TNFAIP8: variants seen among roughly 807,000 people sequenced by gnomAD.
The protein encoded by TNFAIP8 is tumor necrosis factor alpha-induced protein 8.
TNFAIP8 carries 7 observed loss-of-function variants against 13.3 expected under a neutral mutation model. The ratio of observed to expected loss-of-function variants is 0.52; its 90% CI spans 0.30 to 0.99. The LOEUF (loss-of-function observed/expected upper bound fraction) is 0.99, where lower values mean the gene tolerates loss of function less well. Among genes scored for constraint, TNFAIP8 ranks in the 50% least tolerant of loss-of-function variants. The pLI, the probability that TNFAIP8 is intolerant of heterozygous loss-of-function variation, is 0.07. For synonymous variants in TNFAIP8, 94 were observed against 87.6 expected (o/e 1.07, Z -0.41); for missense variants, 258 against 236.9 (o/e 1.09, Z -0.58).
In TNFAIP8 at chr5:119,296,550, G is replaced by C. The variant is rs534199553; in HGVS notation, c.1+27643G>C. ...TGCCAGTATTTTATTGAGGATTTTT[G>C]CATCAATGTTCATCAAGGATATTGG... On this transcript the variant is annotated intron_variant, in intron 1 of 1. Transcript: ENST00000274456. Among the ~76,000 whole-genome samples, 8 of 152,140 alleles carry C rather than the reference G, an allele frequency of 5.3e-5. No homozygotes were observed. In the East Asian group the frequency reaches 9.7e-4, roughly 18 times the overall value.
intron 1 of TNFAIP8, among the ~76,000 whole-genome samples, chr5:119,308,776 C>T (rs1400453074): frequency 1.4e-5 from 2 of 147,324 alleles, no homozygotes; most frequent in Non-Finnish European, 3.0e-5. Flanking sequence ...GCAGGAGAAT[C>T]TTTTGAACCC....
chr5:119,357,354 G>A (rs1206026686), intron 1 of TNFAIP8, among the ~76,000 whole-genome samples: 1 of 152,182 alleles, frequency 6.6e-6, no homozygotes, highest in Non-Finnish European at 1.5e-5. Context: ...ATGGAGCTGT[G>A]TGCTGATAGA....
intron 1 of TNFAIP8, among the ~76,000 whole-genome samples, chr5:119,320,803 G>A (rs1750031071): frequency 6.6e-6 from 1 of 151,524 alleles, no homozygotes; most frequent in Admixed American, 6.6e-5. Context: ...CTCTCCAAGG[G>A]CCTCTACAGA....
At chr5:119,392,558 G>T (rs1258055646) in intron 1 of TNFAIP8, among the ~76,000 whole-genome samples, 1 of 151,794 alleles carries the variant, frequency 6.6e-6, no homozygotes, top group African/African-American at 2.4e-5. Context: ...GCCCATGTAG[G>T]CCGGGCTGGT....
At chr5:119,308,034 T>A (rs1749617394) in intron 1 of TNFAIP8, among the ~76,000 whole-genome samples, 1 of 152,206 alleles carries the variant, frequency 6.6e-6, no homozygotes, top group South Asian at 2.1e-4. Context: ...ATCATGTTAC[T>A]TAGAGAAGTT....
rs142652997 is a variant in TNFAIP8 at position 119,270,837 on chromosome 5, T to C, written c.1+1930T>C. On this transcript the variant is annotated intron_variant, in intron 1 of 1. Coordinates refer to the TNFAIP8 transcript ENST00000274456. ...AGATTATGTGATGATTTAAGAATTA[T>C]TAATAAATCAGTGAATAAAACAAGG... 5.9e-3 allele frequency among the ~76,000 whole-genome samples: 903 copies of C among 152,344 alleles called. 4 individuals carry two copies. The highest frequency in any genetic ancestry group is 0.013 in the Admixed American group (199 of 15,304).
At chr5:119,268,831 G>C (rs961252889) in exon 1 of TNFAIP8, 5 of 702,244 alleles carry the variant, frequency 7.1e-6, no homozygotes, top group Non-Finnish European at 1.3e-5. Context: ...GAGCCACCGA[G>C]AGAGCAGAGA....
rs1027100037 is a variant in TNFAIP8 at position 119,272,876 on chromosome 5, C to CG, written c.1+3975dup. The stretch of plus-strand genomic sequence containing the variant: ...CATGGTGATGTTTCTGTCAAGGTGA[C>CG]GGGGGGCTAGGTGTACAGATCTTTT... On this transcript the variant is annotated intron_variant, in intron 1 of 1. Coordinates refer to the TNFAIP8 transcript ENST00000274456. Among the ~76,000 whole-genome samples the CG allele has an allele frequency of 7.9e-5, 12 of 152,064 alleles. No homozygotes were observed. In the East Asian group the frequency reaches 1.9e-3, roughly 24 times the overall value.
intron 1 of TNFAIP8, among the ~76,000 whole-genome samples, chr5:119,310,838 A>G (rs1749707459): frequency 6.6e-6 from 1 of 152,006 alleles, no homozygotes; most frequent in Non-Finnish European, 1.5e-5. Context: ...CAATCAATCA[A>G]TCAATCAATC....
chr5:119,367,021 G>A (rs990519734), intron 1 of TNFAIP8, among the ~76,000 whole-genome samples: 3 of 152,136 alleles, frequency 2.0e-5, no homozygotes, highest in Non-Finnish European at 4.4e-5. Context: ...AGGGTTAATC[G>A]GGTAAATTAT....
Position 119,398,374 on chromosome 5 carries a change from T to G in TNFAIP8, c.*4993T>G, listed in dbSNP as rs1433167774. 1 of 152,202 alleles carries G rather than the reference T, an allele frequency of 6.6e-6. No individual in the cohort carries two copies. The highest frequency in any genetic ancestry group is 1.9e-4 in the East Asian group (1 of 5,198). The allele number at this position is 152,202 out of a possible 1,614,324, so 9.4% of individuals were successfully genotyped here. On this transcript the variant is annotated 3_prime_UTR_variant, in exon 2 of 2. Coordinates refer to ENST00000504771, the MANE Select transcript of TNFAIP8 (RefSeq NM_014350.4). ...GTTTTTCCATTCAAAAGCTTACAGA[T>G]GAATTCATTCGTTTAAAACTGCCAG... is the stretch of plus-strand genomic sequence containing the variant.
At chr5:119,360,872 G>C (rs1450984934) in intron 1 of TNFAIP8, among the ~76,000 whole-genome samples, 2 of 152,202 alleles carry the variant, frequency 1.3e-5, no homozygotes, top group African/African-American at 2.4e-5. Context: ...AATAAAACAT[G>C]AGACATTGTG....
intron 1 of TNFAIP8, among the ~76,000 whole-genome samples, chr5:119,362,895 T>G (rs1289360109): frequency 2.0e-5 from 3 of 151,268 alleles, no homozygotes; most frequent in African/African-American, 7.3e-5. Flanking sequence ...GAACCATGAG[T>G]TGGTCTGGAG....
chr5:119,341,645 C>G (rs250302), intron 1 of TNFAIP8, among the ~76,000 whole-genome samples: 29,084 of 152,112 alleles, frequency 0.19, 3,536 homozygotes, highest in East Asian at 0.41. Flanking sequence ...AGAGTGCCAC[C>G]AAAATTTTCA....
intron 1 of TNFAIP8, among the ~76,000 whole-genome samples, chr5:119,292,621 T>G (rs1217475491): frequency 8.1e-6 from 1 of 123,006 alleles, no homozygotes; most frequent in Non-Finnish European, 1.7e-5. Context: ...TATCCACCAA[T>G]TAGTGAATGA....
intron 1 of TNFAIP8, among the ~76,000 whole-genome samples, chr5:119,362,599 C>T (rs1054657512): frequency 6.6e-5 from 10 of 151,100 alleles, no homozygotes; most frequent in Admixed American, 2.0e-4. Context: ...AGTTCAAGAC[C>T]GGCCTGGGCA....
chr5:119,282,211 A>G (rs1748652673), intron 1 of TNFAIP8, among the ~76,000 whole-genome samples: 1 of 152,216 alleles, frequency 6.6e-6, no homozygotes, highest in Non-Finnish European at 1.5e-5. Flanking sequence ...CTCTTGACCC[A>G]GAATAAGCCA....
At chr5:119,391,201 C>G (rs1185104959) in intron 1 of TNFAIP8, among the ~76,000 whole-genome samples, 1 of 152,106 alleles carries the variant, frequency 6.6e-6, no homozygotes, top group Non-Finnish European at 1.5e-5. Context: ...TATGTCTTCC[C>G]AGTCTGGATT....
intron 1 of TNFAIP8, among the ~76,000 whole-genome samples, chr5:119,284,666 G>A (rs922876195): frequency 2.6e-5 from 4 of 151,668 alleles, no homozygotes; most frequent in African/African-American, 9.7e-5. Context: ...GGGTGACAGA[G>A]CGAGGCTCCA....
Sources: allele counts gnomAD v4.1 joint callset (sites outside exome capture counted in the v4.1 genomes callset), GRCh38; gene constraint gnomAD v4.1.1; transcripts MANE v1.5; gene names NCBI Gene and HGNC (gene_info 2026-07-23, HGNC 2026-07-21).